The following GRIN2B variants were observed in gnomAD, a reference collection of about 807,000 sequenced individuals.
GRIN2B encodes the protein glutamate ionotropic receptor NMDA type subunit 2B.
Under a neutral mutation model 114.5 loss-of-function variants are expected in GRIN2B, and 5 were observed. The observed-to-expected ratio is 0.04, with a 90% CI of 0.02 to 0.09. The LOEUF is 0.09. Ranked by LOEUF, GRIN2B falls within the 10% of genes least tolerant of loss-of-function variation. The pLI, the probability that GRIN2B is intolerant of heterozygous loss-of-function variation, is 1.00. For synonymous variants in GRIN2B, 787 were observed against 745.1 expected (o/e 1.06, Z -0.92); for missense variants, 1,108 against 1,943.5 (o/e 0.57, Z 8.08).
chr12:13,908,651 T>A (rs893020169), intron 2 of GRIN2B, among the ~76,000 whole-genome samples: 8 of 152,042 alleles, frequency 5.3e-5, no homozygotes, highest in African/African-American at 1.9e-4. Context: ...TGAGGAGACA[T>A]AGAACAATGT....
intron 2 of GRIN2B, among the ~76,000 whole-genome samples, chr12:13,916,731 AC>A (rs1866732369): frequency 4.1e-5 from 1 of 24,128 alleles, no homozygotes; most frequent in South Asian, 2.2e-3. Flanking sequence ...ACACACACAC[AC>A]ACATTTGTGT....
At chr12:13,715,213 A>T (rs952844528) in intron 4 of GRIN2B, among the ~76,000 whole-genome samples, 1 of 151,910 alleles carries the variant, frequency 6.6e-6, no homozygotes, top group Non-Finnish European at 1.5e-5. Context: ...ATTATTATGT[A>T]TGTATTCCTT....
intron 3 of GRIN2B, among the ~76,000 whole-genome samples, chr12:13,792,876 A>AATT (rs1864344360): frequency 6.6e-6 from 1 of 152,230 alleles, no homozygotes; most frequent in African/African-American, 2.4e-5. Context: ...AATCTGTAAT[A>AATT]GGCCCTCCTG....
intron 3 of GRIN2B, among the ~76,000 whole-genome samples, chr12:13,836,470 T>A (rs574146361): frequency 1.3e-5 from 2 of 152,358 alleles, no homozygotes; most frequent in African/African-American, 4.8e-5. Flanking sequence ...AAGCCAGTGA[T>A]GCTGGCAATT....
intron 5 of GRIN2B, among the ~76,000 whole-genome samples, chr12:13,618,365 G>A (rs1949471990): frequency 6.6e-6 from 1 of 152,164 alleles, no homozygotes; most frequent in Non-Finnish European, 1.5e-5. Flanking sequence ...GTAAAAAGTT[G>A]AGAAGCCCTA....
intron 4 of GRIN2B, among the ~76,000 whole-genome samples, chr12:13,697,879 T>TCA (rs1267441757): frequency 2.0e-5 from 3 of 152,126 alleles, no homozygotes; most frequent in Non-Finnish European, 4.4e-5. Flanking sequence ...ATCCTGAGAG[T>TCA]GCATTTTGCT....
intron 3 of GRIN2B, among the ~76,000 whole-genome samples, chr12:13,771,502 T>C (rs1465702786): frequency 6.6e-6 from 1 of 152,104 alleles, no homozygotes; most frequent in Non-Finnish European, 1.5e-5. Context: ...AAGAACTGGA[T>C]TTGGAATCAG....
At chr12:13,909,596 T>C (rs1367918636) in intron 2 of GRIN2B, among the ~76,000 whole-genome samples, 2 of 152,228 alleles carry the variant, frequency 1.3e-5, no homozygotes, top group African/African-American at 4.8e-5. Flanking sequence ...CCAGCACTAA[T>C]GCACTGTGAA....
chr12:13,879,443 A>C (rs1195554832), intron 2 of GRIN2B, among the ~76,000 whole-genome samples: 1 of 152,208 alleles, frequency 6.6e-6, no homozygotes, highest in Non-Finnish European at 1.5e-5. Flanking sequence ...GAAAATAAAA[A>C]GGTGATATTG....
intron 4 of GRIN2B, among the ~76,000 whole-genome samples, chr12:13,697,375 T>C (rs1245319045): frequency 3.3e-5 from 5 of 152,172 alleles, no homozygotes; most frequent in Non-Finnish European, 7.4e-5. Context: ...ATGGTGCAAC[T>C]AACATCTAGC....
intron 4 of GRIN2B, among the ~76,000 whole-genome samples, chr12:13,715,636 T>C (rs1311649641): frequency 6.6e-6 from 1 of 151,946 alleles, no homozygotes; most frequent in Non-Finnish European, 1.5e-5. Flanking sequence ...TTACTGATTG[T>C]GCAGGTAAAA....
At chr12:13,786,550 T>A (rs1226462781) in intron 3 of GRIN2B, among the ~76,000 whole-genome samples, 1 of 152,070 alleles carries the variant, frequency 6.6e-6, no homozygotes, top group Admixed American at 6.5e-5. Context: ...GCGGACACAC[T>A]TACATACTTA....
intron 5 of GRIN2B, among the ~76,000 whole-genome samples, chr12:13,647,240 A>G (rs1949769688): frequency 6.6e-6 from 1 of 152,142 alleles, no homozygotes. Context: ...TTATGCAGCA[A>G]TAGAAAATTA....
At chr12:13,912,184 C>G (rs2136800810) in intron 2 of GRIN2B, among the ~76,000 whole-genome samples, 1 of 152,274 alleles carries the variant, frequency 6.6e-6, no homozygotes, top group South Asian at 2.1e-4. Flanking sequence ...CGTAGCTCTT[C>G]TGTCACAGGC....
Position 13,727,513 on chromosome 12 carries a change from G to A in GRIN2B, c.1010+25804C>T, listed in dbSNP as rs1863012604. On this transcript the variant is annotated intron_variant, in intron 4 of 13. Transcript: ENST00000609686. ...CCAAATGCTAGCTCTTCCCTCATTA[G>A]ATGTGACACAGCTTGTTCTTTAACT... 3.3e-5 allele frequency among the ~76,000 whole-genome samples: 5 copies of A among 152,306 alleles called. No homozygotes were observed. In the South Asian group the frequency reaches 1.0e-3, roughly 32 times the overall value.
intron 3 of GRIN2B, among the ~76,000 whole-genome samples, chr12:13,825,120 T>C (rs552277173): frequency 6.6e-6 from 1 of 152,072 alleles, no homozygotes; most frequent in Non-Finnish European, 1.5e-5. Context: ...TACTATGTTG[T>C]TGTTTTATTT....
At position 13,676,246 on chromosome 12, in the gene GRIN2B, A is replaced by C. The variant is rs138031114; in HGVS notation, c.1011-387T>G. Among the ~76,000 whole-genome samples, 820 of 152,198 alleles carry C rather than the reference A, an allele frequency of 5.4e-3. 12 individuals carry two copies. Among genetic ancestry groups the C allele is most frequent in the African/African-American group, 0.018 (765 of 41,542 alleles). ...AAAACAGCAAATGCATGCTGGGCTT[A>C]ATATTTAGGTGATGGGTTGATAGGT... On this transcript the variant is annotated intron_variant, in intron 4 of 13. Transcript: ENST00000609686.
chr12:13,795,663 C>G (rs1388228522), intron 3 of GRIN2B, among the ~76,000 whole-genome samples: 1 of 152,140 alleles, frequency 6.6e-6, no homozygotes, highest in East Asian at 1.9e-4. Context: ...TTCACAATAG[C>G]AAAGACTTGG....
At chr12:13,644,625 T>G (rs1949746879) in intron 5 of GRIN2B, among the ~76,000 whole-genome samples, 1 of 152,124 alleles carries the variant, frequency 6.6e-6, no homozygotes, top group Non-Finnish European at 1.5e-5. Context: ...CTAGATGGCA[T>G]CTTTTTCCAA....
Sources: allele counts gnomAD v4.1 joint callset (sites outside exome capture counted in the v4.1 genomes callset), GRCh38; gene constraint gnomAD v4.1.1; transcripts MANE v1.5; gene names NCBI Gene and HGNC (gene_info 2026-07-23, HGNC 2026-07-21).